KDM4C: variants seen among roughly 807,000 people sequenced by gnomAD.
KDM4C encodes the protein lysine-specific demethylase 4C.
KDM4C carries 81 observed loss-of-function variants against 129.3 expected under a neutral mutation model. The observed-to-expected ratio is 0.63, with a 90% CI of 0.52 to 0.75. The LOEUF is 0.75. Among genes scored for constraint, KDM4C ranks in the 30% least tolerant of loss-of-function variants. The probability of loss-of-function intolerance (pLI) is 0.00; values close to 1 mark genes in which losing one functional copy is unlikely to be tolerated. For synonymous variants in KDM4C, 573 were observed against 456.1 expected, an observed-to-expected ratio of 1.26 and a Z score of -3.26; for missense variants, 1,457 against 1,304.0, an observed-to-expected ratio of 1.12 and a Z score of -1.81.
chr9:6,750,070 T>C (rs1044937843), intron 1 of KDM4C, among the ~76,000 whole-genome samples: 2 of 138,422 alleles, frequency 1.4e-5, no homozygotes, highest in African/African-American at 5.4e-5. Context: ...AAGAAGAAAA[T>C]GTAAGGCAAT....
chr9:7,121,758 G>T lies in KDM4C; in HGVS notation c.2611-6308G>T, dbSNP rs114593837. Among the ~76,000 whole-genome samples the T allele has an allele frequency of 7.2e-3, 1,097 of 151,956 alleles. 16 individuals carry two copies. Among genetic ancestry groups the T allele is most frequent in the African/African-American group, 0.025 (1,053 of 41,434 alleles). On this transcript the variant is annotated intron_variant, in intron 18 of 21. Coordinates refer to ENST00000381309, the MANE Select transcript of KDM4C (RefSeq NM_015061.6). ...AGTAAGTAAATCTTAAATGGGAAGT[G>T]CCTCAACAAGTATCTAGAACAATAC...
At chr9:6,801,514 G>C (rs1828961386) in intron 2 of KDM4C, among the ~76,000 whole-genome samples, 1 of 151,312 alleles carries the variant, frequency 6.6e-6, no homozygotes, top group African/African-American at 2.4e-5. Context: ...TGGGATTACA[G>C]GCGTGAGCTA....
intron 6 of KDM4C, among the ~76,000 whole-genome samples, chr9:6,881,454 T>C (rs1460186321): frequency 1.3e-5 from 2 of 152,182 alleles, no homozygotes; most frequent in Non-Finnish European, 2.9e-5. Context: ...CTTAACTACG[T>C]AGGAAGTGAA....
chr9:6,799,504 A>AGATG (rs1828496429), intron 2 of KDM4C, among the ~76,000 whole-genome samples: 1 of 151,074 alleles, frequency 6.6e-6, no homozygotes, highest in Non-Finnish European at 1.5e-5. Context: ...CAGTGAGCCA[A>AGATG]GATGGCAGCA....
chr9:7,149,250 G>A (rs1051508283), intron 19 of KDM4C, among the ~76,000 whole-genome samples: 1 of 152,230 alleles, frequency 6.6e-6, no homozygotes, highest in Admixed American at 6.5e-5. Flanking sequence ...GCACACGCCC[G>A]GCTGGGTCGC....
At chr9:7,127,074 T>C (rs1840102936) in intron 18 of KDM4C, among the ~76,000 whole-genome samples, 1 of 152,050 alleles carries the variant, frequency 6.6e-6, no homozygotes, top group African/African-American at 2.4e-5. Flanking sequence ...GATGGATGGA[T>C]GGGTGCAGGG....
intron 4 of KDM4C, among the ~76,000 whole-genome samples, chr9:6,817,409 T>A (rs1832319971): frequency 6.6e-6 from 1 of 152,044 alleles, no homozygotes; most frequent in Non-Finnish European, 1.5e-5. Flanking sequence ...CTTCCTATGT[T>A]GCCCACGCTG....
intron 4 of KDM4C, among the ~76,000 whole-genome samples, chr9:6,819,344 C>G (rs1448641604): frequency 3.3e-5 from 5 of 152,160 alleles, no homozygotes; most frequent in African/African-American, 1.2e-4. Context: ...GGAACATTGA[C>G]TTTAGACTTC....
chr9:7,088,749 T>C (rs924143544), intron 17 of KDM4C, among the ~76,000 whole-genome samples: 2 of 152,192 alleles, frequency 1.3e-5, no homozygotes, highest in East Asian at 3.8e-4. Context: ...ATATTTTCCA[T>C]GCCTCATCTG....
intron 19 of KDM4C, among the ~76,000 whole-genome samples, chr9:7,157,163 TTGG>T (rs1188339451): frequency 6.6e-6 from 1 of 152,230 alleles, no homozygotes; most frequent in African/African-American, 2.4e-5. Flanking sequence ...TTGTCTGTTC[TTGG>T]TGTATAGGAA....
intron 8 of KDM4C, among the ~76,000 whole-genome samples, chr9:6,958,421 C>G (rs1216371181): frequency 6.6e-6 from 1 of 151,852 alleles, no homozygotes; most frequent in Admixed American, 6.6e-5. Context: ...CCTGTCTCTA[C>G]TAAAAATACA....
intron 8 of KDM4C, 133 bp from the exon 9 acceptor site, chr9:6,980,789 AATG>A: frequency 1.5e-6 from 1 of 677,906 alleles, no homozygotes; most frequent in South Asian, 2.1e-5. Flanking sequence ...TCACCCATTG[AATG>A]TTTGATAATG....
chr9:7,083,597 T>G (rs1834782311), intron 17 of KDM4C, among the ~76,000 whole-genome samples: 1 of 152,190 alleles, frequency 6.6e-6, no homozygotes, highest in African/African-American at 2.4e-5. Context: ...GCTAAGTACT[T>G]GTATATCTAA....
At chr9:7,070,685 C>G (rs1022498749) in intron 17 of KDM4C, among the ~76,000 whole-genome samples, 1 of 152,132 alleles carries the variant, frequency 6.6e-6, no homozygotes, top group Non-Finnish European at 1.5e-5. Flanking sequence ...TCACAGCAGA[C>G]TATCCACAGA....
Position 7,071,058 on chromosome 9 carries a change from C to T in KDM4C, c.2424+21858C>T, listed in dbSNP as rs557596720. On this transcript the variant is annotated intron_variant, in intron 17 of 21. Transcript: ENST00000381309. ...AAAAATTTGAAAGTTAATAAAAATCCATTTCCATTAATGCCAAAATAATGA... is the reference window on the plus strand; with the variant it reads ...AAAAATTTGAAAGTTAATAAAAATCTATTTCCATTAATGCCAAAATAATGA... Among the ~76,000 whole-genome samples, 11 of 152,182 alleles carry T rather than the reference C, an allele frequency of 7.2e-5. No homozygotes were observed. In the South Asian group the frequency reaches 1.9e-3, roughly 26 times the overall value.
chr9:6,939,039 C>T (rs62533828), intron 8 of KDM4C, among the ~76,000 whole-genome samples: 38,563 of 151,178 alleles, frequency 0.26, 5,360 homozygotes, highest in South Asian at 0.4. Context: ...GGGTCCCCAA[C>T]CCCTGAGCCA....
At chr9:7,052,908 A>AGCGAGAGATT (rs1564049935) in intron 17 of KDM4C, among the ~76,000 whole-genome samples, 4 of 33,442 alleles carry the variant, frequency 1.2e-4, no homozygotes, top group Non-Finnish European at 2.3e-4. Context: ...AGAGCGAGCG[A>AGCGAGAGATT]GTGCCCAAGG....
At chr9:6,900,257 C>T (rs180974800) in intron 8 of KDM4C, among the ~76,000 whole-genome samples, 9 of 152,214 alleles carry the variant, frequency 5.9e-5, no homozygotes, top group Admixed American at 1.3e-4. Flanking sequence ...CAGTGAGGCC[C>T]GGCTTAGATG....
At chr9:7,083,079 C>T (rs1018910088) in intron 17 of KDM4C, among the ~76,000 whole-genome samples, 2 of 152,160 alleles carry the variant, frequency 1.3e-5, no homozygotes, top group Non-Finnish European at 2.9e-5. Flanking sequence ...CCTGGATATA[C>T]TCAACAGTTC....
Sources: gnomAD v4.1 joint callset for allele counts (sites outside exome capture counted in the v4.1 genomes callset) on GRCh38, gnomAD v4.1.1 for gene constraint, MANE v1.5 for transcripts, NCBI Gene and HGNC (gene_info 2026-07-23, HGNC 2026-07-21) for gene names.